CTNNA3: variants seen among roughly 807,000 people sequenced by gnomAD.
The protein encoded by CTNNA3 is catenin alpha-3.
In CTNNA3, 76 loss-of-function variants were observed where a neutral mutation model predicts 95.7. The observed-to-expected ratio is 0.79, with a 90% CI of 0.66 to 0.96. The LOEUF (loss-of-function observed/expected upper bound fraction) is 0.96, where lower values mean the gene tolerates loss of function less well. Ranked by LOEUF, CTNNA3 falls within the 40% of genes least tolerant of loss-of-function variation. CTNNA3 has a pLI of 0.00. For synonymous variants in CTNNA3, 431 were observed against 374.4 expected (o/e 1.15, Z -1.74); for missense variants, 1,191 against 1,089.8 (o/e 1.09, Z -1.31).
At chr10:67,247,414 C>A (rs1865944850) in intron 5 of CTNNA3, among the ~76,000 whole-genome samples, 1 of 151,950 alleles carries the variant, frequency 6.6e-6, no homozygotes, top group African/African-American at 2.4e-5. Context: ...AAAATAGCAT[C>A]AAAACATAAA....
Position 65,966,669 on chromosome 10 carries a change from G to A in CTNNA3, c.2343C>T (p.Ile781=). The part of the protein sequence containing the change: ...QIKFYSHQLK[I]CSQVKAEIQN... ...GGATCTCAGCTTTAACTTGACTGCA[G>A]ATTTTCAGTTGGTGGGAGTAGAACT... Residue 781 remains isoleucine, a synonymous_variant, in exon 17 of 18, where the codon ATC becomes ATT. Transcript: ENST00000433211. 1 of 1,613,940 alleles carries A rather than the reference G, an allele frequency of 6.2e-7. No individual in the cohort carries two copies. Among genetic ancestry groups the A allele is most frequent in the Non-Finnish European group, 8.5e-7 (1 of 1,179,866 alleles).
intron 11 of CTNNA3, among the ~76,000 whole-genome samples, chr10:66,424,020 T>G (rs2093218902): frequency 6.6e-6 from 1 of 152,122 alleles, no homozygotes; most frequent in Non-Finnish European, 1.5e-5. Context: ...CTTGTCTATT[T>G]TATTAAGTAT....
chr10:67,459,100 A>G (rs1410485400), intron 5 of CTNNA3, among the ~76,000 whole-genome samples: 3 of 152,226 alleles, frequency 2.0e-5, no homozygotes, highest in African/African-American at 7.2e-5. Context: ...ATTGAGCACT[A>G]TGTCTGTTTT....
At chr10:67,375,458 A>G (rs572864436) in intron 5 of CTNNA3, among the ~76,000 whole-genome samples, 1 of 152,256 alleles carries the variant, frequency 6.6e-6, no homozygotes, top group African/African-American at 2.4e-5. Context: ...ATACAAAAAA[A>G]TTAGCCTAGC....
At chr10:66,635,066 G>A (rs1845289693) in intron 9 of CTNNA3, among the ~76,000 whole-genome samples, 2 of 152,056 alleles carry the variant, frequency 1.3e-5, no homozygotes, top group Admixed American at 1.3e-4. Flanking sequence ...TCATATTGCT[G>A]TGTGATGTAA....
chr10:67,046,254 C>A (rs1854736412), intron 7 of CTNNA3, among the ~76,000 whole-genome samples: 1 of 152,180 alleles, frequency 6.6e-6, no homozygotes, highest in Non-Finnish European at 1.5e-5. Flanking sequence ...GCCCTATTTT[C>A]TCCTTAATTT....
chr10:66,072,095 C>G (rs1265845225), intron 14 of CTNNA3, among the ~76,000 whole-genome samples: 12 of 152,212 alleles, frequency 7.9e-5, no homozygotes, highest in African/African-American at 2.7e-4. Flanking sequence ...ATGAATACTA[C>G]ATAAACAAAT....
At chr10:66,722,350 A>C (rs576862278) in intron 9 of CTNNA3, among the ~76,000 whole-genome samples, 1 of 150,190 alleles carries the variant, frequency 6.7e-6, no homozygotes, top group South Asian at 2.1e-4. Flanking sequence ...TGCACTCCAG[A>C]CTGGACGACA....
intron 2 of CTNNA3, among the ~76,000 whole-genome samples, chr10:67,627,259 T>C (rs1838989773): frequency 6.6e-6 from 1 of 152,072 alleles, no homozygotes. Context: ...AAGTCCGTCC[T>C]CTGCCCTGGG....
intron 15 of CTNNA3, among the ~76,000 whole-genome samples, chr10:66,038,637 T>C (rs188937406): frequency 6.6e-6 from 1 of 152,360 alleles, no homozygotes; most frequent in Admixed American, 6.5e-5. Context: ...AATGAATGTG[T>C]GAGAGCTTTC....
rs1011682150 is a variant in CTNNA3, at chr10:67,130,717, G to A, written c.1047+49600C>T. On this transcript the variant is annotated intron_variant, in intron 7 of 17. Transcript: ENST00000433211. ...TGAGCATGGAAATGGGAACTAGAACGGTTTATAATCCTGTGATCTGAGCTT... is the reference window on the plus strand; with the variant it reads ...TGAGCATGGAAATGGGAACTAGAACAGTTTATAATCCTGTGATCTGAGCTT... Among the ~76,000 whole-genome samples, 3 of 152,042 alleles carry A rather than the reference G, an allele frequency of 2.0e-5. No homozygotes were observed. In the East Asian group the frequency reaches 5.8e-4, roughly 29 times the overall value.
At chr10:66,808,985 T>A (rs1009276934) in intron 7 of CTNNA3, among the ~76,000 whole-genome samples, 3 of 152,218 alleles carry the variant, frequency 2.0e-5, no homozygotes, top group Admixed American at 6.6e-5. Context: ...ATGAATGTTA[T>A]ACCTTGGGCT....
intron 7 of CTNNA3, among the ~76,000 whole-genome samples, chr10:67,024,571 G>A (rs1471547980): frequency 1.3e-5 from 2 of 152,118 alleles, no homozygotes; most frequent in African/African-American, 4.8e-5. Context: ...ATTATGTTTT[G>A]GAGTTATGCT....
rs1275725729 is a variant in CTNNA3 at position 66,136,466 on chromosome 10, AG to A, written c.1885-33218del. Reference sequence around the variant, plus strand: ...GCTACTTTTTACTAAATTGGATAATAGTTTTCAAACACTAAATAGTAATTTC... The same window carrying A: ...GCTACTTTTTACTAAATTGGATAATATTTTCAAACACTAAATAGTAATTTC... On this transcript the variant is annotated intron_variant, in intron 13 of 17. Transcript: ENST00000433211. 2.0e-5 allele frequency among the ~76,000 whole-genome samples: 3 copies of A among 151,502 alleles called. No individual in the cohort carries two copies. In the Admixed American group the frequency reaches 2.0e-4, roughly 10 times the overall value.
intron 7 of CTNNA3, among the ~76,000 whole-genome samples, chr10:66,934,591 A>G (rs901015277): frequency 6.6e-6 from 1 of 152,162 alleles, no homozygotes; most frequent in Non-Finnish European, 1.5e-5. Context: ...ATATAGTTGA[A>G]TTACAGTCTT....
intron 13 of CTNNA3, among the ~76,000 whole-genome samples, chr10:66,194,872 C>A (rs1017215192): frequency 3.3e-5 from 5 of 152,112 alleles, no homozygotes; most frequent in African/African-American, 1.2e-4. Flanking sequence ...TGCCTTTTCC[C>A]CACCACAAAG....
At chr10:66,721,311 G>A (rs1169979429) in intron 9 of CTNNA3, among the ~76,000 whole-genome samples, 1 of 152,142 alleles carries the variant, frequency 6.6e-6, no homozygotes, top group African/African-American at 2.4e-5. Context: ...ACCCCAGAAG[G>A]TGTGCAAGAT....
chr10:66,136,340 G>A (rs918614745), intron 13 of CTNNA3, among the ~76,000 whole-genome samples: 1 of 152,180 alleles, frequency 6.6e-6, no homozygotes, highest in Non-Finnish European at 1.5e-5. Flanking sequence ...ATGAATAAGT[G>A]TAGTTCTAAC....
At chr10:66,100,099 T>C (rs974788818) in intron 14 of CTNNA3, among the ~76,000 whole-genome samples, 6 of 152,050 alleles carry the variant, frequency 3.9e-5, no homozygotes, top group Non-Finnish European at 7.4e-5. Context: ...GTTTTGGAAA[T>C]AGATATTAGT....
Sources: gnomAD v4.1 joint callset for allele counts (sites outside exome capture counted in the v4.1 genomes callset) on GRCh38, gnomAD v4.1.1 for gene constraint, MANE v1.5 for transcripts, NCBI Gene and HGNC (gene_info 2026-07-23, HGNC 2026-07-21) for gene names.